Variants in RPA1 observed in about 807,000 individuals in gnomAD.
The protein encoded by RPA1 is replication protein A1, also known as replication protein A 70 kDa DNA-binding subunit.
Under a neutral mutation model 83.0 loss-of-function variants are expected in RPA1, and 49 were observed. The ratio of observed to expected loss-of-function variants is 0.59; its 90% CI spans 0.47 to 0.75. The LOEUF is 0.75. Among genes scored for constraint, RPA1 ranks in the 30% least tolerant of loss-of-function variants. The pLI, the probability that RPA1 is intolerant of heterozygous loss-of-function variation, is 0.00. For synonymous variants in RPA1, 279 were observed against 281.8 expected (o/e 0.99, Z 0.10); for missense variants, 693 against 776.1 (o/e 0.89, Z 1.27).
chr17:1,856,163 A>C (rs1200908269), intron 5 of RPA1, among the ~76,000 whole-genome samples: 1 of 152,080 alleles, frequency 6.6e-6, no homozygotes, highest in African/African-American at 2.4e-5. Flanking sequence ...GTCTCTACCA[A>C]AAATACAAAA....
intron 5 of RPA1, among the ~76,000 whole-genome samples, chr17:1,868,716 G>T (rs1462687111): frequency 6.6e-6 from 1 of 152,076 alleles, no homozygotes; most frequent in Non-Finnish European, 1.5e-5. Context: ...TCCAGCTTGG[G>T]CAACACAGCG....
At chr17:1,876,546 T>G (rs1363262634) in intron 7 of RPA1, among the ~76,000 whole-genome samples, 4 of 152,234 alleles carry the variant, frequency 2.6e-5, no homozygotes, top group Admixed American at 6.5e-5. Context: ...CAGAGTGAGA[T>G]TCCGTCTCTC....
Position 1,883,834 on chromosome 17 carries a change from T to G in RPA1, c.1264T>G (p.Leu422Val). The G allele has an allele frequency of 6.2e-7, 1 of 1,614,108 alleles. No individual in the cohort carries two copies. Among genetic ancestry groups the G allele is most frequent in the African/African-American group, 1.3e-5 (1 of 75,024 alleles). ...RGWFDAEGQA[L>V]DGVSISDLKS... ...CAGGTTTGACGCAGAAGGACAAGCC[T>G]TAGATGGTGTTTCCATCTCTGATCT... Residue 422 changes from leucine (L) to valine (V), a missense_variant, in exon 13 of 17, where the codon TTA (leucine) becomes GTA (valine). Transcript: ENST00000254719.
chr17:1,863,260 G>A lies in RPA1; in HGVS notation c.362-9174G>A, dbSNP rs370255462. Among the ~76,000 whole-genome samples the A allele has an allele frequency of 3.6e-4, 55 of 150,856 alleles. 1 individual carries two copies. The East Asian group carries it at 4.9e-3, about 13-fold the overall frequency. ...CGAGTCTCACTCTGTCACCCAGGCT[G>A]GAGTGCAATGGCACAATCTCGGCTC... On this transcript the variant is annotated intron_variant, in intron 5 of 16. Transcript: ENST00000254719.
At chr17:1,832,497 C>T (rs572121292) in intron 1 of RPA1, among the ~76,000 whole-genome samples, 98 of 152,170 alleles carry the variant, frequency 6.4e-4, no homozygotes, top group African/African-American at 2.2e-3. Flanking sequence ...AGCAATTCTC[C>T]TCCCTCAGCC....
At chr17:1,855,841 T>C (rs1912672212) in intron 5 of RPA1, among the ~76,000 whole-genome samples, 1 of 151,890 alleles carries the variant, frequency 6.6e-6, no homozygotes, top group Admixed American at 6.6e-5. Flanking sequence ...AATGGAAAAG[T>C]CTTAAACTGT....
intron 1 of RPA1, among the ~76,000 whole-genome samples, chr17:1,839,575 C>G (rs1036160045): frequency 1.3e-5 from 2 of 151,172 alleles, no homozygotes; most frequent in East Asian, 3.9e-4. Context: ...ATCCACCTGC[C>G]TTGGGCTCCC....
chr17:1,882,457 C>T (rs990751327), intron 12 of RPA1, among the ~76,000 whole-genome samples: 1 of 151,816 alleles, frequency 6.6e-6, no homozygotes, highest in Non-Finnish European at 1.5e-5. Flanking sequence ...GAGTTCAAGA[C>T]CAGCCTGGCC....
intron 15 of RPA1, among the ~76,000 whole-genome samples, chr17:1,893,408 A>C (rs904492891): frequency 6.6e-6 from 1 of 152,160 alleles, no homozygotes; most frequent in Non-Finnish European, 1.5e-5. Flanking sequence ...CTCAAGCTTT[A>C]ACCCATTGTT....
rs114082569 is a variant in RPA1 at position 1,886,863 on chromosome 17, G to C, written c.1375-1812G>C. 2.5e-3 allele frequency among the ~76,000 whole-genome samples: 373 copies of C among 152,138 alleles called. 2 individuals are homozygous for C. Among genetic ancestry groups the C allele is most frequent in the African/African-American group, 7.4e-3 (309 of 41,502 alleles). On this transcript the variant is annotated intron_variant, in intron 13 of 16. Transcript: ENST00000254719. ...TTTTGTAGAGACTAGGTCTCACTAT[G>C]TTGCCTGGCTGGTATCGAACTCCTT...
intron 1 of RPA1, among the ~76,000 whole-genome samples, chr17:1,832,438 G>A (rs1244573184): frequency 1.3e-5 from 2 of 152,088 alleles, no homozygotes; most frequent in Non-Finnish European, 2.9e-5. Context: ...CCAGGCTGGA[G>A]TGCAGTGGCA....
intron 7 of RPA1, 72 bp downstream of exon 7, chr17:1,875,865 A>C: frequency 7.0e-7 from 1 of 1,428,114 alleles, no homozygotes; most frequent in Non-Finnish European, 9.3e-7. Flanking sequence ...CTCTTGAGTT[A>C]TTTATGCGTG....
chr17:1,840,389 C>A (rs1440236764), intron 1 of RPA1, among the ~76,000 whole-genome samples: 1 of 152,060 alleles, frequency 6.6e-6, no homozygotes, highest in Non-Finnish European at 1.5e-5. Context: ...CAGGTTCAAG[C>A]AATTCTCCTG....
At chr17:1,890,815 CT>C (rs1914176303) in intron 14 of RPA1, among the ~76,000 whole-genome samples, 2 of 152,148 alleles carry the variant, frequency 1.3e-5, no homozygotes, top group Non-Finnish European at 2.9e-5. Flanking sequence ...AAACATCAGC[CT>C]TTCTGTTAAA....
rs772134362 is a variant in RPA1, at chr17:1,884,041, A to G, written c.1374+97A>G. Reference sequence around the variant, plus strand: ...TTCCAGCACCAGCTGTCAGAGCCGTAATTCTTACCCGGGGCTGTGACCTGA... The same window carrying G: ...TTCCAGCACCAGCTGTCAGAGCCGTGATTCTTACCCGGGGCTGTGACCTGA... On this transcript the variant is annotated intron_variant, in intron 13 of 16. Transcript: ENST00000254719. This position sits in a 1 kb window ranked among gnomAD's most constrained non-coding sequence, Gnocchi z 4.1. The G allele has an allele frequency of 2.0e-5, 31 of 1,535,072 alleles. No homozygotes were observed. The highest frequency in any genetic ancestry group is 2.8e-5 in the Non-Finnish European group (31 of 1,126,138).
Position 1,875,684 on chromosome 17 carries a change from G to C in RPA1, c.478G>C (p.Gly160Arg), listed in dbSNP as rs757338286. 27 of 1,613,944 alleles carry C rather than the reference G, an allele frequency of 1.7e-5. No homozygotes were observed. The East Asian group carries it at 5.1e-4, about 31-fold the overall frequency. Reference protein sequence around the residue: ...GMGSTVSKAYGASKTFGKAAG... With the variant: ...GMGSTVSKAYRASKTFGKAAG... ...AGGTTCTACTGTTTCTAAGGCTTAT[G>C]GTGCTTCAAAGACATTTGGAAAAGC... Residue 160 changes from glycine (G) to arginine (R), a missense_variant, in exon 7 of 17, where the codon GGT (glycine) becomes CGT (arginine). Coordinates refer to ENST00000254719, the MANE Select transcript of RPA1 (RefSeq NM_002945.5).
chr17:1,844,604 C>A lies in RPA1; in HGVS notation c.190C>A (p.Pro64Thr), dbSNP rs1224471154. Reference sequence around the variant, plus strand: ...TTTCATGTTGGCGACACAGTTGAACCCTCTCGTGGAGGAAGAACAATTGTC... The same window carrying A: ...TTTCATGTTGGCGACACAGTTGAACACTCTCGTGGAGGAAGAACAATTGTC... ...SSFMLATQLN[P>T]LVEEEQLSSN... The change falls in exon 4 of 17, where the codon CCT becomes ACT. Residue 64 changes from proline (P) to threonine (T), a missense_variant. Coordinates refer to ENST00000254719, the MANE Select transcript of RPA1 (RefSeq NM_002945.5). 6.2e-7 allele frequency: 1 copy of A among 1,613,418 alleles called. No individual in the cohort carries two copies. The highest frequency in any genetic ancestry group is 1.7e-5 in the Admixed American group (1 of 59,958).
At chr17:1,841,551 G>A (rs1300532599) in intron 1 of RPA1, among the ~76,000 whole-genome samples, 2 of 152,130 alleles carry the variant, frequency 1.3e-5, no homozygotes, top group African/African-American at 4.8e-5. Flanking sequence ...TGATTTGCCC[G>A]CCACAGCCTC....
In RPA1 at chr17:1,880,212, G is replaced by A. The variant is rs1913737432; in HGVS notation, c.1093-331G>A. Among the ~76,000 whole-genome samples the A allele has an allele frequency of 2.6e-5, 4 of 152,240 alleles. No homozygotes were observed. The South Asian group carries it at 8.3e-4, about 32-fold the overall frequency. Reference sequence around the variant, plus strand: ...CACAGGAGGAGCTCCTCGTGGGGGCGGTTTTGTCCTATGAGTTGGGGGCTT... The same window carrying A: ...CACAGGAGGAGCTCCTCGTGGGGGCAGTTTTGTCCTATGAGTTGGGGGCTT... On this transcript the variant is annotated intron_variant, in intron 11 of 16. Transcript: ENST00000254719.
Sources: gnomAD v4.1 joint callset for allele counts (sites outside exome capture counted in the v4.1 genomes callset) on GRCh38, gnomAD v4.1.1 for gene constraint, Gnocchi (gnomAD v3.1) non-coding constraint, MANE v1.5 for transcripts, NCBI Gene and HGNC (gene_info 2026-07-23, HGNC 2026-07-21) for gene names.